The following CEP112 variants were observed in gnomAD, a reference collection of about 807,000 sequenced individuals.
CEP112 encodes the protein centrosomal protein of 112 kDa.
Under a neutral mutation model 153.0 loss-of-function variants are expected in CEP112, and 127 were observed. That is an observed-to-expected ratio of 0.83 (90% CI 0.72 to 0.96). CEP112 has a LOEUF of 0.96. Among genes scored for constraint, CEP112 ranks in the 40% least tolerant of loss-of-function variants. The pLI is 0.00. For missense variants in CEP112, 1,089 were observed against 1,101.2 expected (o/e 0.99, Z 0.16); for synonymous variants, 358 against 374.4 (o/e 0.96, Z 0.51).
intron 6 of CEP112, among the ~76,000 whole-genome samples, chr17:66,102,686 T>C (rs1484249008): frequency 2.7e-5 from 4 of 150,390 alleles, no homozygotes; most frequent in African/African-American, 9.8e-5. Context: ...TAGTCCTAGC[T>C]ACTCGGGAGG....
chr17:65,854,759 T>G (rs370642843), intron 20 of CEP112, among the ~76,000 whole-genome samples: 13 of 152,368 alleles, frequency 8.5e-5, no homozygotes, highest in African/African-American at 2.4e-4. Flanking sequence ...TTGATATCTG[T>G]GTATCAATAA....
At chr17:66,125,859 C>T (rs2069824360) in intron 6 of CEP112, among the ~76,000 whole-genome samples, 1 of 152,128 alleles carries the variant, frequency 6.6e-6, no homozygotes, top group Non-Finnish European at 1.5e-5. Context: ...TCAATTACCA[C>T]ACAAGAGTAA....
chr17:66,005,887 A>G, intron 16 of CEP112, 118 bp from the exon 17 acceptor site: 1 of 847,228 alleles, frequency 1.2e-6, no homozygotes, highest in Non-Finnish European at 1.7e-6. Flanking sequence ...TTAGATTTAG[A>G]TATTTCAAGA....
At chr17:66,024,491 G>A (rs1057220048) in intron 16 of CEP112, among the ~76,000 whole-genome samples, 7 of 151,810 alleles carry the variant, frequency 4.6e-5, no homozygotes, top group Non-Finnish European at 8.8e-5. Context: ...CAAAATCAAT[G>A]TATAAAAATC....
At chr17:65,799,233 G>A (rs1437158458) in intron 21 of CEP112, among the ~76,000 whole-genome samples, 1 of 152,142 alleles carries the variant, frequency 6.6e-6, no homozygotes, top group Non-Finnish European at 1.5e-5. Flanking sequence ...AAACAAATCT[G>A]TGGCTAACAA....
intron 22 of CEP112, among the ~76,000 whole-genome samples, chr17:65,747,016 T>C (rs931646769): frequency 1.3e-5 from 2 of 151,522 alleles, no homozygotes; most frequent in Non-Finnish European, 2.9e-5. Flanking sequence ...TAATAGTTAA[T>C]AATAATTGTT....
At chr17:65,915,410 C>A (rs1253436688) in intron 19 of CEP112, among the ~76,000 whole-genome samples, 1 of 151,372 alleles carries the variant, frequency 6.6e-6, no homozygotes, top group Admixed American at 6.6e-5. Context: ...CCACTGCAAT[C>A]ATCTCCTAAC....
intron 20 of CEP112, among the ~76,000 whole-genome samples, chr17:65,891,618 G>T (rs965382162): frequency 1.3e-5 from 2 of 152,050 alleles, no homozygotes; most frequent in Non-Finnish European, 2.9e-5. Context: ...CAAACAGAGC[G>T]ATCTGTAAAA....
At chr17:66,136,586 G>C (rs761790492) in intron 4 of CEP112, among the ~76,000 whole-genome samples, 37 of 152,166 alleles carry the variant, frequency 2.4e-4, no homozygotes, top group Non-Finnish European at 2.6e-4. Flanking sequence ...ACTGCCCAAG[G>C]AACTTGTTTC....
At chr17:66,154,262 C>T (rs1202588457) in intron 4 of CEP112, among the ~76,000 whole-genome samples, 1 of 152,008 alleles carries the variant, frequency 6.6e-6, no homozygotes, top group Non-Finnish European at 1.5e-5. Context: ...TGTCTTTAAT[C>T]ACAGCACTTT....
intron 17 of CEP112, among the ~76,000 whole-genome samples, chr17:65,968,848 A>G (rs529047925): frequency 1.6e-5 from 2 of 128,078 alleles, no homozygotes; most frequent in South Asian, 7.3e-4. Context: ...ATCTGTACAT[A>G]CATTTTTTAT....
At chr17:66,034,140 T>C (rs1164544739) in intron 12 of CEP112, among the ~76,000 whole-genome samples, 1 of 152,126 alleles carries the variant, frequency 6.6e-6, no homozygotes, top group East Asian at 1.9e-4. Context: ...TTCTCAAAAA[T>C]AAAAACAGGA....
At chr17:66,057,223 G>A (rs2066727509) in intron 11 of CEP112, among the ~76,000 whole-genome samples, 2 of 152,168 alleles carry the variant, frequency 1.3e-5, no homozygotes, top group Admixed American at 1.3e-4. Context: ...GCAAGAGACA[G>A]GGGTCTCCTG....
chr17:65,946,585 T>C (rs1045400722), intron 18 of CEP112, among the ~76,000 whole-genome samples: 4 of 152,194 alleles, frequency 2.6e-5, no homozygotes, highest in Non-Finnish European at 5.9e-5. Context: ...GTATCCTCAA[T>C]ATCTGATAAC....
intron 24 of CEP112, among the ~76,000 whole-genome samples, chr17:65,659,763 C>A (rs564444720): frequency 1.3e-5 from 2 of 152,142 alleles, no homozygotes; most frequent in Admixed American, 6.5e-5. Context: ...ATACTTTTTA[C>A]ACGAGAAGTA....
At chr17:65,823,359 A>C (rs1036852855) in intron 21 of CEP112, among the ~76,000 whole-genome samples, 1 of 152,200 alleles carries the variant, frequency 6.6e-6, no homozygotes, top group African/African-American at 2.4e-5. Context: ...AGAAAAACAG[A>C]AAGTCCACTA....
chr17:65,854,893 T>G (rs1405771658), intron 20 of CEP112, among the ~76,000 whole-genome samples: 1 of 152,132 alleles, frequency 6.6e-6, no homozygotes, highest in Non-Finnish European at 1.5e-5. Flanking sequence ...AGAGGATACA[T>G]CTTCTAAAAA....
chr17:66,155,283 A>T (rs1379363890), intron 4 of CEP112, among the ~76,000 whole-genome samples: 1 of 152,108 alleles, frequency 6.6e-6, no homozygotes, highest in Non-Finnish European at 1.5e-5. Flanking sequence ...CAGGAAGTAC[A>T]AGGGGTCAGG....
rs556616032 is a variant in CEP112, at chr17:65,691,806, T to C, written c.2608-2588A>G. Among the ~76,000 whole-genome samples the C allele has an allele frequency of 5.2e-4, 79 of 152,332 alleles. 2 individuals are homozygous for C. In the South Asian group the frequency reaches 0.016, roughly 31 times the overall value. On this transcript the variant is annotated intron_variant, in intron 23 of 26. Coordinates refer to ENST00000535342, the MANE Select transcript of CEP112 (RefSeq NM_001199165.4). ...ATTACTGTATTGGGAAGAATAGTTA[T>C]CTATTTTTTTTGTCACCACTTTTTC...
Sources: allele counts gnomAD v4.1 joint callset (sites outside exome capture counted in the v4.1 genomes callset), GRCh38; gene constraint gnomAD v4.1.1; transcripts MANE v1.5; gene names NCBI Gene and HGNC (gene_info 2026-07-23, HGNC 2026-07-21).